EDA: variants seen among roughly 807,000 people sequenced by gnomAD.
EDA encodes the protein ectodysplasin-A.
EDA carries 2 observed loss-of-function variants against 23.6 expected under a neutral mutation model. That is an observed-to-expected ratio of 0.08 (90% CI 0.03 to 0.27). EDA has a LOEUF of 0.27. Ranked by LOEUF, EDA falls within the 10% of genes least tolerant of loss-of-function variation. The pLI is 1.00. For missense variants in EDA, 229 were observed against 324.2 expected (o/e 0.71, Z 2.26); for synonymous variants, 131 against 132.0 (o/e 0.99, Z 0.05).
intron 1 of EDA, among the ~76,000 whole-genome samples, chrX:69,910,380 T>A (rs200083769): frequency 0.012 from 666 of 53,306 alleles, 3 homozygotes; most frequent in East Asian, 0.036. Flanking sequence ...AGAGAGTGTG[T>A]GTGTGTGTGT....
At chrX:69,905,327 C>T (rs2018160778) in intron 1 of EDA, among the ~76,000 whole-genome samples, 1 of 111,972 alleles carries the variant, frequency 8.9e-6, no homozygotes, top group Admixed American at 9.5e-5. Context: ...TCTATCTCCT[C>T]AACACTGGGA....
chrX:69,743,403 T>C (rs2013521395), intron 1 of EDA, among the ~76,000 whole-genome samples: 1 of 112,112 alleles, frequency 8.9e-6, no homozygotes, highest in Non-Finnish European at 1.9e-5. Flanking sequence ...GTTTTTTGTA[T>C]GTGTGAACTC....
chrX:69,711,498 C>T (rs2012031933), intron 1 of EDA, among the ~76,000 whole-genome samples: 2 of 111,683 alleles, frequency 1.8e-5, no homozygotes, highest in African/African-American at 6.5e-5. Flanking sequence ...CAGGATGATG[C>T]TGACCTCATA....
At chrX:69,703,979 A>G (rs1403253481) in intron 1 of EDA, among the ~76,000 whole-genome samples, 1 of 112,441 alleles carries the variant, frequency 8.9e-6, no homozygotes, top group Admixed American at 9.4e-5. Context: ...ACAACATAGT[A>G]TATATAGAGT....
intron 1 of EDA, among the ~76,000 whole-genome samples, chrX:69,756,149 A>G (rs1038981601): frequency 1.8e-5 from 2 of 112,221 alleles, no homozygotes; most frequent in Admixed American, 9.4e-5. Flanking sequence ...GAGCTGCAGA[A>G]TGGAGCTGTT....
intron 1 of EDA, among the ~76,000 whole-genome samples, chrX:69,645,333 G>A (rs779024636): frequency 8.3e-5 from 9 of 108,241 alleles, no homozygotes; most frequent in African/African-American, 2.7e-4. Context: ...TTGGGAGGGT[G>A]TATGTGACCA....
At chrX:69,982,382 A>G (rs976743837) in intron 2 of EDA, among the ~76,000 whole-genome samples, 9 of 111,416 alleles carry the variant, frequency 8.1e-5, no homozygotes, top group African/African-American at 2.9e-4. Flanking sequence ...GGAGCGTTGC[A>G]TAGAAAGAGA....
chrX:69,760,868 T>G (rs1441774865), intron 1 of EDA, among the ~76,000 whole-genome samples: 1 of 111,567 alleles, frequency 9.0e-6, no homozygotes, highest in East Asian at 2.8e-4. Flanking sequence ...GCAGCACAGC[T>G]TTTCTTGAGA....
intron 1 of EDA, among the ~76,000 whole-genome samples, chrX:69,785,361 G>A (rs1321478204): frequency 4.8e-5 from 4 of 83,003 alleles, no homozygotes; most frequent in African/African-American, 1.5e-4. Flanking sequence ...GGGCATCCCT[G>A]TCTTGTGCCA....
chrX:69,648,063 T>C (rs1247072371), intron 1 of EDA, among the ~76,000 whole-genome samples: 2 of 111,481 alleles, frequency 1.8e-5, no homozygotes, highest in African/African-American at 6.5e-5. Flanking sequence ...AGCCAGCTCC[T>C]TCCTCTGGAA....
At chrX:69,703,544 C>T (rs1195794594) in intron 1 of EDA, among the ~76,000 whole-genome samples, 1 of 112,410 alleles carries the variant, frequency 8.9e-6, no homozygotes, top group Non-Finnish European at 1.9e-5. Flanking sequence ...TGGGTGCAGA[C>T]GGGCTGAGGC....
At chrX:69,726,581 C>T (rs975549489) in intron 1 of EDA, among the ~76,000 whole-genome samples, 1 of 112,347 alleles carries the variant, frequency 8.9e-6, no homozygotes, top group Non-Finnish European at 1.9e-5. Context: ...CTTGGCTTAC[C>T]AGGTATGTTA....
intron 1 of EDA, among the ~76,000 whole-genome samples, chrX:69,764,231 A>ATTT (rs1569323148): frequency 8.6e-5 from 3 of 34,976 alleles, no homozygotes; most frequent in East Asian, 1.6e-3. Flanking sequence ...TTCATTTTTT[A>ATTT]TTCTTTTTTT....
chrX:69,725,667 T>C (rs1001144243), intron 1 of EDA, among the ~76,000 whole-genome samples: 80 of 112,518 alleles, frequency 7.1e-4, no homozygotes, highest in African/African-American at 2.5e-3. Flanking sequence ...TCAGTACTTG[T>C]TGAAATGAAT....
intron 1 of EDA, among the ~76,000 whole-genome samples, chrX:69,733,918 G>GC: frequency 1.1e-5 from 1 of 87,132 alleles, no homozygotes; most frequent in Middle Eastern, 8.2e-3. Context: ...TAATATTTTT[G>GC]CTTTTTTTTT....
chrX:69,898,458 T>C (rs2018051742), intron 1 of EDA, among the ~76,000 whole-genome samples: 1 of 109,192 alleles, frequency 9.2e-6, no homozygotes, highest in Non-Finnish European at 1.9e-5. Flanking sequence ...GGCAGGCACA[T>C]GTTGTCCCAG....
intron 1 of EDA, among the ~76,000 whole-genome samples, chrX:69,712,067 G>T (rs966785338): frequency 9.0e-6 from 1 of 110,771 alleles, no homozygotes; most frequent in African/African-American, 3.3e-5. Flanking sequence ...TGCTTCTCTA[G>T]TTCTTTTAAT....
rs758197107 is a variant in EDA at position 70,008,147 on chromosome X, T to TA, written c.503-15070dup. Among the ~76,000 whole-genome samples the TA allele has an allele frequency of 3.3e-3, 371 of 112,208 alleles. 2 individuals carry two copies. The highest frequency in any genetic ancestry group is 5.4e-3 in the Non-Finnish European group (287 of 53,204). On this transcript the variant is annotated intron_variant, in intron 2 of 7. Coordinates refer to ENST00000374552, the MANE Select transcript of EDA (RefSeq NM_001399.5). Reference sequence around the variant, plus strand: ...TTGCATCAGCTAGCATTTCCAGTATTATGTTCAGTAGGAGTGGTGAATGGG... The same window carrying TA: ...TTGCATCAGCTAGCATTTCCAGTATTAATGTTCAGTAGGAGTGGTGAATGGG...
chrX:69,728,958 G>C (rs1051593516), intron 1 of EDA, among the ~76,000 whole-genome samples: 1 of 111,563 alleles, frequency 9.0e-6, no homozygotes, highest in Non-Finnish European at 1.9e-5. Context: ...GGGGAATCAG[G>C]TCAAATACAG....
Sources: gnomAD v4.1 joint callset for allele counts (sites outside exome capture counted in the v4.1 genomes callset) on GRCh38, gnomAD v4.1.1 for gene constraint, MANE v1.5 for transcripts, NCBI Gene and HGNC (gene_info 2026-07-23, HGNC 2026-07-21) for gene names.